The following SLC41A2 variants were observed in gnomAD, a reference collection of about 807,000 sequenced individuals.
The protein encoded by SLC41A2 is solute carrier family 41 member 2.
A neutral mutation model predicts 58.3 loss-of-function variants in SLC41A2; 32 were observed. That is an observed-to-expected ratio of 0.55 (90% CI 0.41 to 0.74). The LOEUF (loss-of-function observed/expected upper bound fraction) is 0.74. Ranked by LOEUF, SLC41A2 falls within the 30% of genes least tolerant of loss-of-function variation. The probability of loss-of-function intolerance (pLI) is 0.00; values close to 1 mark genes in which losing one functional copy is unlikely to be tolerated. For synonymous variants in SLC41A2, 190 were observed against 235.0 expected (o/e 0.81, Z 1.75); for missense variants, 514 against 680.6 (o/e 0.76, Z 2.72).
chr12:104,905,070 A>C (rs527505645), intron 3 of SLC41A2, among the ~76,000 whole-genome samples: 270 of 152,072 alleles, frequency 1.8e-3, no homozygotes, highest in African/African-American at 6.2e-3. Context: ...CCTGAGCTAG[A>C]TACAAAGGTT....
Position 104,804,963 on chromosome 12 carries a change from G to T in SLC41A2, c.*189C>A. 1 of 496,958 alleles carries T rather than the reference G, an allele frequency of 2.0e-6. No individual in the cohort carries two copies. The highest frequency in any genetic ancestry group is 3.2e-5 in the Admixed American group (1 of 31,704). 30.8% of individuals were successfully genotyped at this position (496,958 alleles called of 1,614,324 possible). On this transcript the variant is annotated 3_prime_UTR_variant, in exon 11 of 11. Transcript: ENST00000258538. ...TCATTTATTCTATGAAAAGCAGCACGAATACTCTTCATTCTGGTTTTGACA... is the reference window on the plus strand; with the variant it reads ...TCATTTATTCTATGAAAAGCAGCACTAATACTCTTCATTCTGGTTTTGACA...
rs1240979373 is a variant in SLC41A2, at chr12:104,933,690, T to TAC, written c.-167-4998_-167-4997dup. On this transcript the variant is annotated intron_variant, in intron 1 of 10. Transcript: ENST00000258538. ...AAGAAAATAAATACACACACACACA[T>TAC]ACACACACACACACCCATATATATA... 2.6e-4 allele frequency among the ~76,000 whole-genome samples: 33 copies of TAC among 128,154 alleles called. No homozygotes were observed. The East Asian group carries it at 4.6e-3, about 18-fold the overall frequency. 84.1% of individuals were successfully genotyped at this position (128,154 alleles called of 152,430 possible).
chr12:104,859,924 G>A (rs1026034615), intron 8 of SLC41A2, among the ~76,000 whole-genome samples: 7 of 151,548 alleles, frequency 4.6e-5, no homozygotes, highest in African/African-American at 1.7e-4. Flanking sequence ...TATATTTTTT[G>A]TGCAGGCAGG....
intron 10 of SLC41A2, among the ~76,000 whole-genome samples, chr12:104,827,642 G>GTT (rs199895308): frequency 1.3e-5 from 2 of 151,830 alleles, no homozygotes; most frequent in African/African-American, 4.8e-5. Context: ...TATAAAACTT[G>GTT]TTTTTTTTCT....
At chr12:104,886,732 A>T (rs2044688281) in intron 5 of SLC41A2, among the ~76,000 whole-genome samples, 1 of 152,022 alleles carries the variant, frequency 6.6e-6, no homozygotes, top group African/African-American at 2.4e-5. Context: ...TGTATATCTT[A>T]GATATAATGT....
chr12:104,806,814 A>G (rs9669207), intron 10 of SLC41A2, among the ~76,000 whole-genome samples: 112,648 of 151,756 alleles, frequency 0.74, 42,375 homozygotes, highest in African/African-American at 0.87. Flanking sequence ...TCTGATGGCC[A>G]GTGATGATGA....
At chr12:104,892,364 C>A (rs1242858509) in intron 4 of SLC41A2, among the ~76,000 whole-genome samples, 1 of 148,756 alleles carries the variant, frequency 6.7e-6, no homozygotes. Context: ...AAGAGGACAC[C>A]AAAAAGTGTA....
intron 1 of SLC41A2, among the ~76,000 whole-genome samples, chr12:104,938,471 A>G (rs2047370201): frequency 6.6e-6 from 1 of 152,218 alleles, no homozygotes; most frequent in African/African-American, 2.4e-5. Context: ...CCTCATCTCC[A>G]TTAGCATCAG....
chr12:104,933,876 G>A (rs143119920), intron 1 of SLC41A2, among the ~76,000 whole-genome samples: 78 of 152,218 alleles, frequency 5.1e-4, no homozygotes, highest in African/African-American at 1.8e-3. Flanking sequence ...TTATGGGTAT[G>A]CAAAGGCATA....
At chr12:104,914,966 C>G (rs1312893928) in intron 2 of SLC41A2, among the ~76,000 whole-genome samples, 1 of 152,200 alleles carries the variant, frequency 6.6e-6, no homozygotes, top group Non-Finnish European at 1.5e-5. Flanking sequence ...AAATAATGTT[C>G]ACTTACTTAC....
chr12:104,956,576 G>T (rs1433052057), intron 1 of SLC41A2, among the ~76,000 whole-genome samples: 1 of 152,164 alleles, frequency 6.6e-6, no homozygotes, highest in Non-Finnish European at 1.5e-5. Flanking sequence ...CTACTTGGGA[G>T]GCTGAGGCAG....
At chr12:104,827,706 C>T (rs186266750) in intron 10 of SLC41A2, among the ~76,000 whole-genome samples, 58 of 152,274 alleles carry the variant, frequency 3.8e-4, no homozygotes, top group East Asian at 3.3e-3. Flanking sequence ...AAGCCTTGGA[C>T]GATGGCTCCC....
chr12:104,881,275 T>C (rs2044355962), intron 6 of SLC41A2, among the ~76,000 whole-genome samples: 1 of 152,192 alleles, frequency 6.6e-6, no homozygotes, highest in South Asian at 2.1e-4. Flanking sequence ...AGCTCCTGGA[T>C]TCATTGATTT....
At chr12:104,908,042 A>T (rs961707545) in intron 3 of SLC41A2, among the ~76,000 whole-genome samples, 1 of 152,156 alleles carries the variant, frequency 6.6e-6, no homozygotes, top group Non-Finnish European at 1.5e-5. Flanking sequence ...AGGCAGGCGG[A>T]TCACCTGAGG....
chr12:104,880,501 G>A lies in SLC41A2; in HGVS notation c.1027+5792C>T, dbSNP rs557626357. On this transcript the variant is annotated intron_variant, in intron 6 of 10. Transcript: ENST00000258538. The stretch of plus-strand genomic sequence containing the variant: ...TTGAGATATGTCCCATCAATACCTA[G>A]TTTATTGAGAGTTTTTAGCATGAAG... 2.6e-5 allele frequency among the ~76,000 whole-genome samples: 4 copies of A among 152,224 alleles called. No individual in the cohort carries two copies. In the East Asian group the frequency reaches 5.8e-4, roughly 22 times the overall value.
At chr12:104,953,653 G>A (rs1472103947) in intron 1 of SLC41A2, among the ~76,000 whole-genome samples, 1 of 152,140 alleles carries the variant, frequency 6.6e-6, no homozygotes, top group Non-Finnish European at 1.5e-5. Context: ...TTTCATCTGG[G>A]TAGGTAAATT....
In SLC41A2 at chr12:104,803,979, A is replaced by G. The variant is rs999769735; in HGVS notation, c.*1173T>C. On this transcript the variant is annotated 3_prime_UTR_variant, in exon 11 of 11. Transcript: ENST00000258538. ...TAAGAAATTATTAATTATTAATTAGAGTGTAGGTAACAAATTAGCTGGGCG... is the reference window on the plus strand; with the variant it reads ...TAAGAAATTATTAATTATTAATTAGGGTGTAGGTAACAAATTAGCTGGGCG... 6.6e-6 allele frequency: 1 copy of G among 151,626 alleles called. No individual in the cohort carries two copies. Among genetic ancestry groups the G allele is most frequent in the South Asian group, 2.1e-4 (1 of 4,804 alleles). The allele number at this position is 151,626 out of a possible 1,614,324, so 9.4% of individuals were successfully genotyped here. A position where few individuals can be genotyped will look rare whatever the true frequency, so the allele number is the denominator to read the frequency against.
intron 10 of SLC41A2, among the ~76,000 whole-genome samples, chr12:104,830,545 C>G (rs2042002849): frequency 6.6e-6 from 1 of 151,908 alleles, no homozygotes; most frequent in African/African-American, 2.4e-5. Context: ...ATGTGGAGGG[C>G]TGGCTGTATA....
chr12:104,887,634 A>C (rs2044737645), intron 5 of SLC41A2, among the ~76,000 whole-genome samples: 1 of 152,034 alleles, frequency 6.6e-6, no homozygotes, highest in Non-Finnish European at 1.5e-5. Context: ...TTTTTCCAAA[A>C]TCAGCACATT....
Sources: allele counts gnomAD v4.1 joint callset (sites outside exome capture counted in the v4.1 genomes callset), GRCh38; gene constraint gnomAD v4.1.1; transcripts MANE v1.5; gene names NCBI Gene and HGNC (gene_info 2026-07-23, HGNC 2026-07-21).